RYR3: variants seen among roughly 807,000 people sequenced by gnomAD.
The protein encoded by RYR3 is ryanodine receptor 3.
A neutral mutation model predicts 584.3 loss-of-function variants in RYR3; 207 were observed. That is an observed-to-expected ratio of 0.35 (90% CI 0.32 to 0.40). The LOEUF (loss-of-function observed/expected upper bound fraction) is 0.40. Ranked by LOEUF, RYR3 falls within the 10% of genes least tolerant of loss-of-function variation. RYR3 has a pLI of 1.00. For missense variants in RYR3, 5,616 were observed against 6,089.2 expected (o/e 0.92, Z 2.59); for synonymous variants, 2,416 against 2,248.5 (o/e 1.07, Z -2.11).
At chr15:33,840,755 C>A in intron 89 of RYR3, 70 bp from the exon 90 acceptor site, 1 of 1,459,284 alleles carries the variant, frequency 6.9e-7, no homozygotes, top group Admixed American at 1.8e-5. Context: ...AGCAAATGGC[C>A]AAGAAAATGT....
intron 1 of RYR3, among the ~76,000 whole-genome samples, chr15:33,401,473 A>G (rs1350410637): frequency 1.3e-5 from 2 of 152,206 alleles, no homozygotes; most frequent in African/African-American, 4.8e-5. Flanking sequence ...AGCACTATTC[A>G]GCGCCTATCA....
Position 33,596,595 on chromosome 15 carries a change from A to G in RYR3, c.1789-4824A>G, listed in dbSNP as rs528091385. Among the ~76,000 whole-genome samples the G allele has an allele frequency of 9.2e-5, 14 of 152,234 alleles. 1 individual carries two copies. Among genetic ancestry groups the G allele is most frequent in the African/African-American group, 3.4e-4 (14 of 41,528 alleles). On this transcript the variant is annotated intron_variant, in intron 16 of 103. Transcript: ENST00000634891. ...GGTACATAGTGATGTTGTGATACAT[A>G]TAATATACATGGTAATCAGATCAGG... is the stretch of plus-strand genomic sequence containing the variant.
chr15:33,330,353 C>A (rs963867184), intron 1 of RYR3, among the ~76,000 whole-genome samples: 1 of 152,134 alleles, frequency 6.6e-6, no homozygotes, highest in Non-Finnish European at 1.5e-5. Flanking sequence ...GTCTTTGCAT[C>A]CCCCTGTCTG....
rs187165112 is a variant in RYR3, at chr15:33,700,987, G to A, written c.6390G>A (p.Ser2130=). The A allele has an allele frequency of 1.7e-5, 27 of 1,612,642 alleles. No individual in the cohort carries two copies. Among genetic ancestry groups the A allele is most frequent in the Middle Eastern group, 3.3e-4 (2 of 6,062 alleles). The change falls in exon 42 of 104, where the codon TCG becomes TCA. Residue 2130 remains serine (S), a synonymous_variant. Transcript: ENST00000634891. ...ENSSVGLASP[S]MRGSTPLDVA... is the part of the protein sequence containing the mutation. ...CCCCTCCTCCCTCAGCCTCCCCGTCGATGAGGGGATCCACCCCGCTGGATG... is the reference window on the plus strand; with the variant it reads ...CCCCTCCTCCCTCAGCCTCCCCGTCAATGAGGGGATCCACCCCGCTGGATG...
intron 9 of RYR3, among the ~76,000 whole-genome samples, chr15:33,549,272 C>T (rs540702982): frequency 1.3e-5 from 2 of 152,084 alleles, no homozygotes; most frequent in African/African-American, 2.4e-5. Flanking sequence ...AGTATGTATG[C>T]GTACTTCTGG....
intron 1 of RYR3, among the ~76,000 whole-genome samples, chr15:33,348,798 A>C (rs529781699): frequency 7.9e-5 from 12 of 152,178 alleles, no homozygotes; most frequent in African/African-American, 2.9e-4. Context: ...AAAAAATTGC[A>C]TGCATTAAGT....
At chr15:33,859,494 G>T in intron 99 of RYR3, 81 bp from the exon 100 acceptor site, 1 of 1,521,174 alleles carries the variant, frequency 6.6e-7, no homozygotes, top group South Asian at 1.2e-5. Flanking sequence ...CAATCTGACC[G>T]AATCATATGA....
intron 69 of RYR3, among the ~76,000 whole-genome samples, chr15:33,805,716 A>G (rs1203465544): frequency 5.3e-5 from 8 of 151,606 alleles, no homozygotes; most frequent in Admixed American, 6.6e-5. Context: ...TGACGTCATG[A>G]TCCGCCCGCC....
rs114320749 is a variant in RYR3, at chr15:33,501,235, T to C, written c.172-2396T>C. Among the ~76,000 whole-genome samples the C allele has an allele frequency of 3.5e-3, 531 of 152,294 alleles. 3 individuals carry two copies. The highest frequency in any genetic ancestry group is 0.012 in the African/African-American group (511 of 41,564). On this transcript the variant is annotated intron_variant, in intron 2 of 103. Coordinates refer to ENST00000634891, the MANE Select transcript of RYR3 (RefSeq NM_001036.6). ...AGGACAGCTATAATCATAGCATGCC[T>C]AGTGTCCCTATTATCTATTAGTGCT...
At chr15:33,380,405 C>T (rs1465574520) in intron 1 of RYR3, among the ~76,000 whole-genome samples, 1 of 152,138 alleles carries the variant, frequency 6.6e-6, no homozygotes, top group Admixed American at 6.5e-5. Flanking sequence ...GAAACCCTCA[C>T]AGCATTCTAT....
At position 33,706,795 on chromosome 15, in the gene RYR3, C is replaced by G. The variant is rs1375831210; in HGVS notation, c.6484-124C>G. 3.9e-5 allele frequency: 32 copies of G among 828,866 alleles called. No homozygotes were observed. The East Asian group carries it at 8.7e-4, about 23-fold the overall frequency. 51.3% of individuals were successfully genotyped at this position (828,866 alleles called of 1,614,324 possible). A position where few individuals can be genotyped will look rare whatever the true frequency, so the allele number is the denominator to read the frequency against. Reference sequence around the variant, plus strand: ...GTGGCTGTACCATTTTACATTCTCACCAGCAATGCACAAGAGTTCCAACTT... The same window carrying G: ...GTGGCTGTACCATTTTACATTCTCAGCAGCAATGCACAAGAGTTCCAACTT... On this transcript the variant is annotated intron_variant, in intron 42 of 103. Coordinates refer to ENST00000634891, the MANE Select transcript of RYR3 (RefSeq NM_001036.6).
chr15:33,413,810 T>C (rs572956398), intron 1 of RYR3, among the ~76,000 whole-genome samples: 2 of 152,336 alleles, frequency 1.3e-5, no homozygotes, highest in Admixed American at 1.3e-4. Flanking sequence ...TCCCCATGTA[T>C]TTGGGATTCA....
intron 51 of RYR3, 150 bp from the exon 52 acceptor site, chr15:33,742,216 A>G: frequency 1.6e-6 from 1 of 640,374 alleles, no homozygotes; most frequent in Non-Finnish European, 2.8e-6. Flanking sequence ...CAGGAATGTC[A>G]CTGCGCCTGG....
chr15:33,566,844 T>C, intron 12 of RYR3, 45 bp downstream of exon 12: 1 of 1,609,590 alleles, frequency 6.2e-7, no homozygotes, highest in Non-Finnish European at 8.5e-7. Context: ...TTTGACTCTG[T>C]GGCCTGCCAA....
chr15:33,576,948 T>A (rs1360529340), intron 12 of RYR3, among the ~76,000 whole-genome samples: 1 of 152,088 alleles, frequency 6.6e-6, no homozygotes, highest in African/African-American at 2.4e-5. Context: ...TGTGCAAAAA[T>A]CACAAGCATT....
chr15:33,554,463 T>A (rs990026573), intron 10 of RYR3, among the ~76,000 whole-genome samples: 1 of 151,858 alleles, frequency 6.6e-6, no homozygotes, highest in Non-Finnish European at 1.5e-5. Flanking sequence ...ACCGGGCTAA[T>A]TTTTTTGTAT....
chr15:33,749,412 C>A (rs1002054270), intron 55 of RYR3, among the ~76,000 whole-genome samples: 1 of 152,176 alleles, frequency 6.6e-6, no homozygotes, highest in African/African-American at 2.4e-5. Context: ...GGAGCACTCA[C>A]CCTCTGGAAG....
chr15:33,475,050 T>TTTTTG lies in RYR3; in HGVS notation c.171+1518_171+1522dup, dbSNP rs747746286. ...TTGTTCTTAGCTAGGTTTTTTTGTTTTTTTGTTTTGCTTTGTTTTGTTTTT... is the reference window on the plus strand; with the variant it reads ...TTGTTCTTAGCTAGGTTTTTTTGTTTTTTTGTTTTGTTTTGCTTTGTTTTGTTTTT... On this transcript the variant is annotated intron_variant, in intron 2 of 103. Transcript: ENST00000634891. Among the ~76,000 whole-genome samples the TTTTTG allele has an allele frequency of 5.1e-3, 778 of 152,272 alleles. 9 individuals carry two copies. The highest frequency in any genetic ancestry group is 0.018 in the African/African-American group (743 of 41,556).
At chr15:33,559,848 G>A (rs1331695940) in intron 10 of RYR3, among the ~76,000 whole-genome samples, 1 of 152,206 alleles carries the variant, frequency 6.6e-6, no homozygotes, top group Non-Finnish European at 1.5e-5. Flanking sequence ...TACAGATGTA[G>A]AGATGCCAAG....
Sources: allele counts gnomAD v4.1 joint callset (sites outside exome capture counted in the v4.1 genomes callset), GRCh38; gene constraint gnomAD v4.1.1; transcripts MANE v1.5; gene names NCBI Gene and HGNC (gene_info 2026-07-23, HGNC 2026-07-21).